ERCC6: variants seen among roughly 807,000 people sequenced by gnomAD.
The protein encoded by ERCC6 is DNA excision repair protein ERCC-6.
In ERCC6, 116 loss-of-function variants were observed where a neutral mutation model predicts 158.7. That is an observed-to-expected ratio of 0.73 (90% CI 0.63 to 0.85). The LOEUF (loss-of-function observed/expected upper bound fraction) is 0.85. ERCC6 is among the 40% of genes least tolerant of loss of function. The pLI is 0.00. For synonymous variants in ERCC6, 678 were observed against 659.3 expected (o/e 1.03, Z -0.43); for missense variants, 1,698 against 1,799.4 (o/e 0.94, Z 1.02).
chr10:49,483,182 C>T (rs1328046660), intron 9 of ERCC6, among the ~76,000 whole-genome samples, 164 bp downstream of exon 9: 1 of 152,058 alleles, frequency 6.6e-6, no homozygotes, highest in Non-Finnish European at 1.5e-5. Flanking sequence ...TGATTAAGGG[C>T]AAAAATAAAG....
chr10:49,470,870 C>A lies in ERCC6; in HGVS notation c.3090G>T (p.Gln1030His). Reference sequence around the variant, plus strand: ...TTCTTTTTAGATGGCATTTGGGTGTCTGAACATCTGATCCAGTTCCTGTAA... The same window carrying A: ...TTCTTTTTAGATGGCATTTGGGTGTATGAACATCTGATCCAGTTCCTGTAA... The part of the protein sequence containing the change: ...AIFAGTGSDV[Q>H]TPKCHLKRRI... The change falls in exon 18 of 21, where the codon CAG becomes CAT. Residue 1030 changes from glutamine to histidine, a missense_variant. Transcript: ENST00000355832. The A allele has an allele frequency of 6.2e-7, 1 of 1,613,880 alleles. No individual in the cohort carries two copies. Among genetic ancestry groups the A allele is most frequent in the South Asian group, 1.1e-5 (1 of 91,064 alleles).
chr10:49,470,930 T>C, intron 17 of ERCC6, 41 bp from the exon 18 acceptor site: 4 of 1,613,662 alleles, frequency 2.5e-6, no homozygotes, highest in Non-Finnish European at 3.4e-6. Flanking sequence ...TATTGTATCA[T>C]CTTGTGCAAT....
At position 49,470,991 on chromosome 10, in the gene ERCC6, TGTTTCA is replaced by T; in HGVS notation, c.3048_3053del (p.Glu1017_Thr1018del). 8 of 1,614,124 alleles carry T rather than the reference TGTTTCA, an allele frequency of 5.0e-6. No homozygotes were observed. Among genetic ancestry groups the T allele is most frequent in the Non-Finnish European group, 6.8e-6 (8 of 1,180,030 alleles). ...ATGTAATACCTGCAAAAATTGCACT[TGTTTCA>T]GTGCTCTGGGATGCATCAGGACTAG... On this transcript the variant is annotated inframe_deletion, in exon 17 of 21. Coordinates refer to ENST00000355832, the MANE Select transcript of ERCC6 (RefSeq NM_000124.4).
chr10:49,455,503 C>A lies in ERCC6; in HGVS notation c.*3312G>T, dbSNP rs548604140. On this transcript the variant is annotated 3_prime_UTR_variant, in exon 21 of 21. Transcript: ENST00000355832. The stretch of plus-strand genomic sequence containing the variant: ...TGCCCATGAATGGCAAAACACAATG[C>A]AAAGCACCAAATGACAGCGTGAGGA... The A allele has an allele frequency of 6.6e-6, 1 of 152,346 alleles. No homozygotes were observed. Among genetic ancestry groups the A allele is most frequent in the African/African-American group, 2.4e-5 (1 of 41,572 alleles). The allele number at this position is 152,346 out of a possible 1,614,324, so 9.4% of individuals were successfully genotyped here.
Position 49,474,360 on chromosome 10 carries a change from T to TA in ERCC6, c.2383-119dup, listed in dbSNP as rs1336694017. 5.3e-6 allele frequency: 4 copies of TA among 755,490 alleles called. No individual in the cohort carries two copies. In the African/African-American group the frequency reaches 7.0e-5, roughly 13 times the overall value. 46.8% of individuals were successfully genotyped at this position (755,490 alleles called of 1,614,324 possible). ...AAAAAACAGTTCTCCACCAGCTTCT[T>TA]AGTTTCTTCTCTAGTCACAGCATTA... On this transcript the variant is annotated intron_variant, in intron 12 of 20. Coordinates refer to ENST00000355832, the MANE Select transcript of ERCC6 (RefSeq NM_000124.4).
chr10:49,533,736 G>A (rs1027428623), intron 1 of ERCC6, among the ~76,000 whole-genome samples: 1 of 152,204 alleles, frequency 6.6e-6, no homozygotes, highest in African/African-American at 2.4e-5. Context: ...CTGGGAGATG[G>A]AGGCTGCAGT....
At chr10:49,488,942 G>A (rs534237805) in intron 8 of ERCC6, among the ~76,000 whole-genome samples, 60 of 152,146 alleles carry the variant, frequency 3.9e-4, no homozygotes, top group Non-Finnish European at 5.1e-4. Context: ...CTGCCACCAC[G>A]CCTGGCTAAT....
intron 5 of ERCC6, among the ~76,000 whole-genome samples, chr10:49,508,753 G>A (rs1446270092): frequency 1.3e-5 from 2 of 152,104 alleles, no homozygotes; most frequent in African/African-American, 4.8e-5. Context: ...AGCCAAAATA[G>A]ACCTGACCAT....
chr10:49,459,550 C>CTT (rs1326309430), intron 20 of ERCC6, among the ~76,000 whole-genome samples: 1 of 152,188 alleles, frequency 6.6e-6, no homozygotes, highest in Non-Finnish European at 1.5e-5. Context: ...TCAGGAAAAT[C>CTT]TGTCTCTAGG....
downstream of ERCC6, among the ~76,000 whole-genome samples, chr10:49,453,798 T>C (rs1850447579): frequency 6.6e-6 from 1 of 152,210 alleles, no homozygotes; most frequent in Non-Finnish European, 1.5e-5. Context: ...ACTTTGACTG[T>C]TATACCTGCC....
chr10:49,488,572 C>A (rs1030861526), intron 8 of ERCC6, among the ~76,000 whole-genome samples: 1 of 150,952 alleles, frequency 6.6e-6, no homozygotes, highest in Admixed American at 6.6e-5. Context: ...ACTTTGCATT[C>A]TATTATAATT....
chr10:49,534,026 C>T (rs1390952300), intron 1 of ERCC6, among the ~76,000 whole-genome samples: 1 of 145,766 alleles, frequency 6.9e-6, no homozygotes, highest in Non-Finnish European at 1.5e-5. Flanking sequence ...CCCAGCCACT[C>T]GGGAGGCTGA....
chr10:49,436,871 C>G, the ERCC6 span, among the ~76,000 whole-genome samples: 1 of 152,068 alleles, frequency 6.6e-6, no homozygotes, highest in Non-Finnish European at 1.5e-5. Flanking sequence ...AAATTAGAAC[C>G]AGGTAAGAGA....
At chr10:49,523,719 TG>T (rs1276838852) in intron 5 of ERCC6, among the ~76,000 whole-genome samples, 1 of 152,154 alleles carries the variant, frequency 6.6e-6, no homozygotes, top group Non-Finnish European at 1.5e-5. Context: ...CTAGGGTGAC[TG>T]TCGGTATAAA....
chr10:49,469,905 G>A (rs73305563), intron 18 of ERCC6, among the ~76,000 whole-genome samples: 159 of 152,292 alleles, frequency 1.0e-3, no homozygotes, highest in African/African-American at 3.6e-3. Context: ...GCCTACTAAT[G>A]TTCAGGTAGT....
At chr10:49,535,028 C>G (rs950252197) in intron 1 of ERCC6, among the ~76,000 whole-genome samples, 40 of 152,198 alleles carry the variant, frequency 2.6e-4, no homozygotes, top group Non-Finnish European at 5.0e-4. Context: ...TGTCTGGGGC[C>G]CAAGAAATAT....
At position 49,471,056 on chromosome 10, in the gene ERCC6, T is replaced by C. The variant is rs375181157; in HGVS notation, c.2989A>G (p.Lys997Glu). The change falls in exon 17 of 21, where the codon AAA becomes GAA. Residue 997 changes from lysine to glutamate, a missense_variant. Coordinates refer to ENST00000355832, the MANE Select transcript of ERCC6 (RefSeq NM_000124.4). ...LKDPKQRRFF[K>E]SNDLYELFTL... The stretch of plus-strand genomic sequence containing the variant: ...AATAGCTCATAGAGATCATTGGATT[T>C]GAAAAACCGCCTTTGTTTTGGGTCT... 55 of 1,614,010 alleles carry C rather than the reference T, an allele frequency of 3.4e-5. No homozygotes were observed. Among genetic ancestry groups the C allele is most frequent in the Non-Finnish European group, 1.7e-6 (2 of 1,180,002 alleles).
intron 10 of ERCC6, among the ~76,000 whole-genome samples, chr10:49,481,233 A>G (rs1006533544): frequency 1.3e-5 from 2 of 152,236 alleles, no homozygotes; most frequent in East Asian, 3.8e-4. Context: ...AAATGCTAAC[A>G]ATCAGTGAAT....
At position 49,491,860 on chromosome 10, in the gene ERCC6, G is replaced by T. The variant is rs147740542; in HGVS notation, c.1821+1257C>A. ...CACTAAGAGATGTTAACAGATAACA[G>T]AAATGAAAAAGGAACCACAAATGTT... is the stretch of plus-strand genomic sequence containing the variant. On this transcript the variant is annotated intron_variant, in intron 8 of 20. Coordinates refer to ENST00000355832, the MANE Select transcript of ERCC6 (RefSeq NM_000124.4). Among the ~76,000 whole-genome samples the T allele has an allele frequency of 2.1e-3, 320 of 152,204 alleles. 2 individuals carry two copies. Among genetic ancestry groups the T allele is most frequent in the African/African-American group, 7.4e-3 (307 of 41,542 alleles).
Sources: allele counts gnomAD v4.1 joint callset (sites outside exome capture counted in the v4.1 genomes callset), GRCh38; gene constraint gnomAD v4.1.1; transcripts MANE v1.5; gene names NCBI Gene and HGNC (gene_info 2026-07-23, HGNC 2026-07-21).